Variants in GNA13 observed in about 807,000 individuals in gnomAD.
GNA13 encodes the protein guanine nucleotide-binding protein subunit alpha-13.
In GNA13, 4 loss-of-function variants were observed where a neutral mutation model predicts 33.5. The ratio of observed to expected loss-of-function variants is 0.12; its 90% confidence interval spans 0.06 to 0.27. The LOEUF (loss-of-function observed/expected upper bound fraction) is 0.27. Ranked by LOEUF, GNA13 falls within the 10% of genes least tolerant of loss-of-function variation. The pLI is 1.00. For synonymous variants in GNA13, 176 were observed against 183.8 expected (o/e 0.96, Z 0.34); for missense variants, 319 against 487.2 (o/e 0.65, Z 3.25).
chr17:65,039,545 G>C (rs1337541523), intron 2 of GNA13, among the ~76,000 whole-genome samples: 1 of 152,180 alleles, frequency 6.6e-6, no homozygotes, highest in Non-Finnish European at 1.5e-5. Flanking sequence ...CTGACCAGCA[G>C]TAAGTTTTTT....
chr17:65,018,136 AAAAG>A (rs1906447164), intron 3 of GNA13, 113 bp downstream of exon 3: 8 of 63,592 alleles, frequency 1.3e-4, no homozygotes, highest in East Asian at 9.8e-4. Context: ...AAAAAAAAAA[AAAAG>A]AGAGAAAGAA....
chr17:65,038,342 G>A (rs557353419), intron 2 of GNA13, among the ~76,000 whole-genome samples: 1 of 152,060 alleles, frequency 6.6e-6, no homozygotes, highest in South Asian at 2.1e-4. Flanking sequence ...GGCGGAGGTT[G>A]CAGTGAGCCA....
chr17:65,055,664 C>T, intron 1 of GNA13: 4 of 985,290 alleles, frequency 4.1e-6, no homozygotes, highest in Non-Finnish European at 4.8e-6. Context: ...CCACTCTCTC[C>T]TGATTCCAGT....
At chr17:65,018,884 T>C (rs1282525876) in intron 2 of GNA13, among the ~76,000 whole-genome samples, 1 of 152,162 alleles carries the variant, frequency 6.6e-6, no homozygotes. Flanking sequence ...CCCAGTTTTC[T>C]CGACGAAACT....
intron 2 of GNA13, among the ~76,000 whole-genome samples, chr17:65,028,227 AAAAAC>A (rs1342421141): frequency 2.0e-5 from 3 of 152,196 alleles, no homozygotes; most frequent in South Asian, 2.1e-4. Context: ...CTCCGTCTCA[AAAAAC>A]AAAACAAAAC....
chr17:65,029,991 C>T (rs549745733), intron 2 of GNA13, among the ~76,000 whole-genome samples: 32 of 152,148 alleles, frequency 2.1e-4, no homozygotes, highest in Non-Finnish European at 2.8e-4. Flanking sequence ...GCATAAAGTG[C>T]GTGACTCTTT....
intron 2 of GNA13, among the ~76,000 whole-genome samples, chr17:65,032,361 T>C (rs569156162): frequency 3.5e-4 from 54 of 152,334 alleles, no homozygotes; most frequent in South Asian, 4.1e-4. Flanking sequence ...TACCATGAGA[T>C]TGTTCTGCCC....
chr17:65,032,939 C>T (rs1389785080), intron 2 of GNA13, among the ~76,000 whole-genome samples: 1 of 151,944 alleles, frequency 6.6e-6, no homozygotes, highest in Non-Finnish European at 1.5e-5. Flanking sequence ...GGTGAAACCC[C>T]GTCTCTACTC....
chr17:65,033,132 AC>A (rs1408577947), intron 2 of GNA13, among the ~76,000 whole-genome samples: 1 of 151,652 alleles, frequency 6.6e-6, no homozygotes, highest in African/African-American at 2.4e-5. Context: ...AAATCACAGT[AC>A]TTGATGTGAT....
At chr17:65,029,125 C>A (rs189817483) in intron 2 of GNA13, among the ~76,000 whole-genome samples, 1 of 152,132 alleles carries the variant, frequency 6.6e-6, no homozygotes, top group African/African-American at 2.4e-5. Flanking sequence ...CAAGAACTAC[C>A]TAAAACAGGA....
chr17:65,019,152 C>T (rs892524828), intron 2 of GNA13, among the ~76,000 whole-genome samples: 56 of 151,872 alleles, frequency 3.7e-4, no homozygotes, highest in African/African-American at 1.4e-3. Flanking sequence ...AAGATCTCCT[C>T]ACACTGCAGG....
At chr17:65,032,194 T>A (rs1907074409) in intron 2 of GNA13, among the ~76,000 whole-genome samples, 1 of 152,156 alleles carries the variant, frequency 6.6e-6, no homozygotes, top group African/African-American at 2.4e-5. Context: ...ACTCTGGGGT[T>A]AAGGCTGGTT....
chr17:65,042,496 G>A (rs1907495344), intron 2 of GNA13, among the ~76,000 whole-genome samples: 1 of 152,126 alleles, frequency 6.6e-6, no homozygotes, highest in South Asian at 2.1e-4. Context: ...CAACACTTTG[G>A]GAGGCTGAGG....
chr17:65,049,035 T>G (rs1598500392), intron 2 of GNA13, among the ~76,000 whole-genome samples: 1 of 152,136 alleles, frequency 6.6e-6, no homozygotes, highest in Admixed American at 6.5e-5. Flanking sequence ...TCCTAGAAAA[T>G]TAGGAAACTA....
intron 2 of GNA13, among the ~76,000 whole-genome samples, chr17:65,020,229 CA>C (rs1906533773): frequency 6.6e-6 from 1 of 152,098 alleles, no homozygotes; most frequent in Admixed American, 6.6e-5. Flanking sequence ...CAGAAGTGAT[CA>C]AAGTCTTCTT....
At chr17:65,053,184 T>G (rs994550129) in intron 2 of GNA13, 1 of 242,390 alleles carries the variant, frequency 4.1e-6, no homozygotes, top group Admixed American at 5.3e-5. Flanking sequence ...GGATTTTGAA[T>G]TTTTTCAGAT....
At chr17:65,032,282 A>C (rs980990552) in intron 2 of GNA13, among the ~76,000 whole-genome samples, 1 of 152,174 alleles carries the variant, frequency 6.6e-6, no homozygotes, top group Non-Finnish European at 1.5e-5. Flanking sequence ...TAGTACTTAC[A>C]CTCAATTTCC....
At chr17:65,018,789 G>A (rs143941043) in intron 2 of GNA13, among the ~76,000 whole-genome samples, 298 of 152,240 alleles carry the variant, frequency 2.0e-3, no homozygotes, top group Non-Finnish European at 3.4e-3. Context: ...ATGGACAGGC[G>A]TGCCTTGCTC....
intron 2 of GNA13, among the ~76,000 whole-genome samples, chr17:65,037,723 G>A (rs1488494903): frequency 8.2e-6 from 1 of 122,630 alleles, no homozygotes; most frequent in East Asian, 2.8e-4. Context: ...CTTGAGCCCA[G>A]GAGTTCGAGA....
Sources: allele counts gnomAD v4.1 joint callset (sites outside exome capture counted in the v4.1 genomes callset), GRCh38; gene constraint gnomAD v4.1.1; transcripts MANE v1.5; gene names NCBI Gene and HGNC (gene_info 2026-07-23, HGNC 2026-07-21).